The following FBXO4 variants were observed in gnomAD, a reference collection of about 807,000 sequenced individuals.
FBXO4 encodes the protein F-box only protein 4.
Under a neutral mutation model 43.7 loss-of-function variants are expected in FBXO4, and 36 were observed. The ratio of observed to expected loss-of-function variants is 0.82; its 90% CI spans 0.63 to 1.09. The LOEUF (loss-of-function observed/expected upper bound fraction) is 1.09, where lower values mean the gene tolerates loss of function less well. Among genes scored for constraint, FBXO4 ranks in the 50% least tolerant of loss-of-function variants. The pLI is 0.00. For synonymous variants in FBXO4, 180 were observed against 165.6 expected (o/e 1.09, Z -0.67); for missense variants, 435 against 474.1 (o/e 0.92, Z 0.77).
chr5:42,012,603 G>T, the FBXO4 span, among the ~76,000 whole-genome samples: 1 of 152,102 alleles, frequency 6.6e-6, no homozygotes, highest in African/African-American at 2.4e-5. Flanking sequence ...TAAGTTGGGG[G>T]TCAAGCAAGC....
intron 6 of FBXO4, 59 bp downstream of exon 6, chr5:41,939,675 A>T: frequency 2.2e-6 from 3 of 1,386,706 alleles, no homozygotes; most frequent in Non-Finnish European, 2.9e-6. Flanking sequence ...TTTCTATTTG[A>T]TTTTATTTTT....
the FBXO4 span, among the ~76,000 whole-genome samples, chr5:42,038,413 C>T: frequency 3.3e-5 from 5 of 152,036 alleles, no homozygotes; most frequent in South Asian, 2.1e-4. Context: ...GAATGATATT[C>T]TACTACCAGC....
chr5:41,956,041 A>G, the FBXO4 span, among the ~76,000 whole-genome samples: 1 of 152,248 alleles, frequency 6.6e-6, no homozygotes, highest in African/African-American at 2.4e-5. Flanking sequence ...CAAAAATATT[A>G]AGATCTAACA....
At chr5:41,940,089 C>T (rs1579987592) in intron 6 of FBXO4, among the ~76,000 whole-genome samples, 1 of 151,508 alleles carries the variant, frequency 6.6e-6, no homozygotes, top group Admixed American at 6.6e-5. Flanking sequence ...AGGCTCAAAC[C>T]ATCTGCCTGC....
the FBXO4 span, among the ~76,000 whole-genome samples, chr5:42,018,134 TAAC>T: frequency 9.4e-5 from 14 of 149,050 alleles, no homozygotes; most frequent in East Asian, 1.9e-4. Context: ...TTATTATAAT[TAAC>T]AAACTATATA....
At chr5:42,017,386 T>C in the FBXO4 span, among the ~76,000 whole-genome samples, 1 of 152,076 alleles carries the variant, frequency 6.6e-6, no homozygotes, top group South Asian at 2.1e-4. Context: ...AGGAAGACTT[T>C]TTTAAGGTAG....
chr5:41,976,999 T>C, the FBXO4 span, among the ~76,000 whole-genome samples: 2 of 152,164 alleles, frequency 1.3e-5, no homozygotes, highest in Non-Finnish European at 2.9e-5. Context: ...TTGTGGCTTG[T>C]GACCTTCAAA....
the FBXO4 span, chr5:41,967,221 G>C: frequency 2.0e-6 from 1 of 496,828 alleles, no homozygotes; most frequent in Non-Finnish European, 4.1e-6. Flanking sequence ...GGCAATTATG[G>C]TATTCTTCAT....
At chr5:41,959,329 C>T in the FBXO4 span, among the ~76,000 whole-genome samples, 1 of 152,024 alleles carries the variant, frequency 6.6e-6, no homozygotes, top group Non-Finnish European at 1.5e-5. Flanking sequence ...ATATTTTCTC[C>T]CATCCCATAT....
chr5:41,934,019 C>G lies in FBXO4; in HGVS notation c.720C>G (p.Thr240=). The part of the protein sequence containing the change: ...KFNILILYST[T]RKERDRAREE... ...ACATTCTAATCTTATATTCAACTAC[C>G]AGGTAAGGCTACATACTTGGTGGCT... Residue 240 remains threonine, a splice_region_variant and synonymous_variant, in exon 4 of 7, where the codon ACC becomes ACG. Coordinates refer to ENST00000281623, the MANE Select transcript of FBXO4 (RefSeq NM_012176.3). 6.2e-7 allele frequency: 1 copy of G among 1,613,458 alleles called. No individual in the cohort carries two copies. Among genetic ancestry groups the G allele is most frequent in the South Asian group, 1.1e-5 (1 of 90,928 alleles).
chr5:41,927,050 C>T lies in FBXO4; in HGVS notation c.227C>T (p.Pro76Leu). 1.2e-6 allele frequency: 2 copies of T among 1,613,144 alleles called. No homozygotes were observed. Among genetic ancestry groups the T allele is most frequent in the African/African-American group, 1.3e-5 (1 of 74,968 alleles). The change falls in exon 2 of 7, where the codon CCT (proline) becomes CTT (leucine). Residue 76 changes from proline to leucine, a missense_variant. Physicochemically the swap from Pro to Leu is moderately conservative, Grantham distance 98 (BLOSUM62 -3). Coordinates refer to ENST00000281623, the MANE Select transcript of FBXO4 (RefSeq NM_012176.3). ...VQLYILSFLS[P>L]HDLCQLGSTN... ...CTATATATTTTGTCCTTTCTTTCAC[C>T]TCATGATCTGTGTCAGTTGGGAAGT...
At chr5:41,946,246 T>C (rs1752076357), downstream of FBXO4, among the ~76,000 whole-genome samples, 1 of 152,220 alleles carries the variant, frequency 6.6e-6, no homozygotes, top group Non-Finnish European at 1.5e-5. Flanking sequence ...CCCCGTTGCA[T>C]TGCAGGCTGC....
chr5:41,936,218 C>T (rs1369322665), intron 5 of FBXO4, among the ~76,000 whole-genome samples: 1 of 152,184 alleles, frequency 6.6e-6, no homozygotes, highest in Non-Finnish European at 1.5e-5. Context: ...CAGAGATGGT[C>T]AGCATGTTGG....
chr5:42,023,794 G>T, the FBXO4 span, among the ~76,000 whole-genome samples: 1 of 151,844 alleles, frequency 6.6e-6, no homozygotes. Context: ...AGCTTACTCT[G>T]ATGTCCTGTT....
the FBXO4 span, among the ~76,000 whole-genome samples, chr5:42,008,350 T>C: frequency 6.6e-6 from 1 of 152,178 alleles, no homozygotes; most frequent in Non-Finnish European, 1.5e-5. Context: ...GATTGCTTTC[T>C]GTTTTTCCTC....
chr5:42,019,976 A>AT, the FBXO4 span, among the ~76,000 whole-genome samples: 1 of 152,108 alleles, frequency 6.6e-6, no homozygotes, highest in African/African-American at 2.4e-5. Flanking sequence ...ATTATTGCTG[A>AT]TTTTTTAATT....
At chr5:42,030,724 T>C in the FBXO4 span, among the ~76,000 whole-genome samples, 1 of 151,978 alleles carries the variant, frequency 6.6e-6, no homozygotes, top group Non-Finnish European at 1.5e-5. Flanking sequence ...AAAGGGCTAA[T>C]ATCCAGAATC....
At chr5:41,930,748 A>G (rs762479005) in intron 3 of FBXO4, among the ~76,000 whole-genome samples, 2 of 147,346 alleles carry the variant, frequency 1.4e-5, no homozygotes, top group African/African-American at 2.5e-5. Flanking sequence ...GCTCACTGCC[A>G]GCTCCGCCTC....
At chr5:41,951,649 G>A in the FBXO4 span, 7 of 202,874 alleles carry the variant, frequency 3.5e-5, no homozygotes, top group Admixed American at 1.2e-4. Flanking sequence ...CGCCAAGCAC[G>A]TGCATAACTT....
Sources: gnomAD v4.1 joint callset for allele counts (sites outside exome capture counted in the v4.1 genomes callset) on GRCh38, gnomAD v4.1.1 for gene constraint, MANE v1.5 for transcripts, NCBI Gene and HGNC (gene_info 2026-07-23, HGNC 2026-07-21) for gene names.